Variants in NECTIN2 observed in about 807,000 individuals in gnomAD.
The protein encoded by NECTIN2 is nectin-2.
A neutral mutation model predicts 56.9 loss-of-function variants in NECTIN2; 23 were observed. The observed-to-expected ratio is 0.40, with a 90% CI of 0.29 to 0.57. NECTIN2 has a LOEUF of 0.57. Among genes scored for constraint, NECTIN2 ranks in the 20% least tolerant of loss-of-function variants. The pLI is 0.38. For missense variants in NECTIN2, 587 were observed against 718.3 expected, an observed-to-expected ratio of 0.82 and a Z score of 2.09; for synonymous variants, 302 against 313.8, an observed-to-expected ratio of 0.96 and a Z score of 0.40.
intron 2 of NECTIN2, 54 bp from the exon 3 acceptor site, chr19:44,871,799 T>C (rs991769087): frequency 6.4e-7 from 1 of 1,567,838 alleles, no homozygotes; most frequent in African/African-American, 1.4e-5. Context: ...TGCTGAGTGT[T>C]TGTTGAATGA....
In NECTIN2 at chr19:44,885,329, TA is replaced by T. The variant is rs1324002795; in HGVS notation, c.1197-606del. On this transcript the variant is annotated intron_variant, in intron 6 of 8. Coordinates refer to ENST00000252483, the MANE Select transcript of NECTIN2 (RefSeq NM_001042724.2). ...TTTCTTTTTTTTTTTTTTTTTTTTTTAATTTGAGATGGCATCTCACTCTATT... is the reference window on the plus strand; with the variant it reads ...TTTCTTTTTTTTTTTTTTTTTTTTTTATTTGAGATGGCATCTCACTCTATT... 3.0e-4 allele frequency among the ~76,000 whole-genome samples: 23 copies of T among 75,964 alleles called. No homozygotes were observed. In the South Asian group the frequency reaches 8.6e-3, roughly 28 times the overall value. 49.8% of individuals were successfully genotyped at this position (75,964 alleles called of 152,430 possible). A position where few individuals can be genotyped will look rare whatever the true frequency, so the allele number is the denominator to read the frequency against.
At chr19:44,884,802 C>G (rs554905177) in intron 6 of NECTIN2, among the ~76,000 whole-genome samples, 1 of 152,232 alleles carries the variant, frequency 6.6e-6, no homozygotes, top group South Asian at 2.1e-4. Context: ...ATCGTAAGCA[C>G]CTGTCATTAC....
intron 1 of NECTIN2, among the ~76,000 whole-genome samples, chr19:44,854,120 T>G (rs4803764): frequency 6.6e-6 from 1 of 151,738 alleles, no homozygotes; most frequent in African/African-American, 2.4e-5. Context: ...GGTGGGTTTG[T>G]TTGAGACCGA....
chr19:44,874,699 G>A lies in NECTIN2; in HGVS notation c.1042+221G>A. The A allele has an allele frequency of 1.8e-6, 1 of 568,846 alleles. No individual in the cohort carries two copies. Among genetic ancestry groups the A allele is most frequent in the South Asian group, 2.1e-5 (1 of 48,150 alleles). The allele number at this position is 568,846 out of a possible 1,614,324, so 35.2% of individuals were successfully genotyped here. ...GTAGGTGAAGGCAGCAGAGTTGGGGGGTTGAGGACTTTGCTCGGGGTTCCT... is the reference window on the plus strand; with the variant it reads ...GTAGGTGAAGGCAGCAGAGTTGGGGAGTTGAGGACTTTGCTCGGGGTTCCT... On this transcript the variant is annotated intron_variant, in intron 5 of 8. Transcript: ENST00000252483. This position sits in a 1 kb window ranked among gnomAD's most constrained non-coding sequence, Gnocchi z 6.3.
At chr19:44,887,513 C>T (rs1000150404) in intron 8 of NECTIN2, among the ~76,000 whole-genome samples, 1 of 151,854 alleles carries the variant, frequency 6.6e-6, no homozygotes, top group Non-Finnish European at 1.5e-5. Context: ...GGCGTGGTGG[C>T]GGGCGCCTGT....
intron 2 of NECTIN2, among the ~76,000 whole-genome samples, chr19:44,868,439 A>G (rs1969128872): frequency 6.9e-6 from 1 of 145,222 alleles, no homozygotes; most frequent in African/African-American, 2.5e-5. Flanking sequence ...TTTTTTTTGA[A>G]GGATGCTTTT....
At chr19:44,882,097 C>A in intron 5 of NECTIN2, 114 bp from the exon 6 acceptor site, 1 of 956,446 alleles carries the variant, frequency 1.0e-6, no homozygotes, top group Non-Finnish European at 1.4e-6. Flanking sequence ...ATGTCCCCTG[C>A]CCATGGGAGA....
Position 44,886,135 on chromosome 19 carries a change from C to T in NECTIN2, c.1263C>T (p.Pro421=), listed in dbSNP as rs1969358449. The change falls in exon 8 of 9, where the codon CCC becomes CCT. Residue 421 remains proline, a splice_region_variant and synonymous_variant. Coordinates refer to ENST00000252483, the MANE Select transcript of NECTIN2 (RefSeq NM_001042724.2). ...PKAKLEAQEM[P]SQLFTLGASE... is the part of the protein sequence containing the mutation. ...TCCCCGCCCCTCTCCCACTACAGCC[C>T]TCCCAGCTCTTCACTCTGGGGGCCT... is the stretch of plus-strand genomic sequence containing the variant. 2 of 1,612,490 alleles carry T rather than the reference C, an allele frequency of 1.2e-6. No individual in the cohort carries two copies. The highest frequency in any genetic ancestry group is 8.5e-7 in the Non-Finnish European group (1 of 1,178,778).
Position 44,855,049 on chromosome 19 carries a change from C to T in NECTIN2, c.88+8436C>T, listed in dbSNP as rs551048812. On this transcript the variant is annotated intron_variant, in intron 1 of 8. Coordinates refer to ENST00000252483, the MANE Select transcript of NECTIN2 (RefSeq NM_001042724.2). ...AGGAGAATGGGGTGAACCCGGGAGG[C>T]GGAGGTTGCAGTGAGCCGAGATCGC... Among the ~76,000 whole-genome samples the T allele has an allele frequency of 5.6e-3, 818 of 146,668 alleles. 5 individuals carry two copies. The highest frequency in any genetic ancestry group is 9.0e-3 in the Non-Finnish European group (606 of 67,258).
At chr19:44,887,622 G>A (rs1190152202) in intron 8 of NECTIN2, among the ~76,000 whole-genome samples, 2 of 152,136 alleles carry the variant, frequency 1.3e-5, no homozygotes, top group African/African-American at 4.8e-5. Flanking sequence ...AACAGCCTGG[G>A]AGACAAGAGC....
chr19:44,854,884 G>A (rs554280726), intron 1 of NECTIN2, among the ~76,000 whole-genome samples: 48 of 152,146 alleles, frequency 3.2e-4, no homozygotes, highest in African/African-American at 1.1e-3. Context: ...CCAGCACTTT[G>A]GGAGTCCCAG....
intron 2 of NECTIN2, among the ~76,000 whole-genome samples, chr19:44,868,962 G>T (rs1466656003): frequency 6.6e-6 from 1 of 151,416 alleles, no homozygotes; most frequent in Non-Finnish European, 1.5e-5. Context: ...CCTTCCCTAG[G>T]CAACTTCCCA....
At chr19:44,878,519 G>A (rs1476941739) in intron 5 of NECTIN2, 1 of 1,613,994 alleles carries the variant, frequency 6.2e-7, no homozygotes, top group East Asian at 2.2e-5. Flanking sequence ...GGAAGAGAAG[G>A]CAGAGAAAGG....
At position 44,865,703 on chromosome 19, in the gene NECTIN2, C is replaced by T. The variant is rs1355020851; in HGVS notation, c.478+43C>T. On this transcript the variant is annotated intron_variant, in intron 2 of 8. Transcript: ENST00000252483. The surrounding 1 kb of genome is among the most constrained non-coding windows in gnomAD (Gnocchi z 5.2). ...GGGAGGCAAGGAGGTGGGAGGGCCGCGGTGTGGGAGCATCCCCTTGCGGGT... is the reference window on the plus strand; with the variant it reads ...GGGAGGCAAGGAGGTGGGAGGGCCGTGGTGTGGGAGCATCCCCTTGCGGGT... 7.5e-6 allele frequency: 11 copies of T among 1,471,974 alleles called. No homozygotes were observed. In the Admixed American group the frequency reaches 1.1e-4, roughly 15 times the overall value. The allele number at this position is 1,471,974 out of a possible 1,614,324, so 91.2% of individuals were successfully genotyped here. A position where few individuals can be genotyped will look rare whatever the true frequency, so the allele number is the denominator to read the frequency against.
intron 2 of NECTIN2, among the ~76,000 whole-genome samples, chr19:44,868,466 C>CTTT (rs71338735): frequency 1.1e-3 from 141 of 133,456 alleles, no homozygotes; most frequent in Non-Finnish European, 1.3e-3. Flanking sequence ...TTTCCTTTTT[C>CTTT]TTTTTTTTTT....
intron 2 of NECTIN2, among the ~76,000 whole-genome samples, chr19:44,868,844 G>A (rs867365256): frequency 6.6e-5 from 10 of 151,736 alleles, no homozygotes; most frequent in African/African-American, 2.2e-4. Flanking sequence ...CCCGGGAGGC[G>A]GAGCTTGCAG....
Position 44,888,438 on chromosome 19 carries a change from G to T in NECTIN2, c.*59G>T. 6.4e-7 allele frequency: 1 copy of T among 1,551,182 alleles called. No individual in the cohort carries two copies. The highest frequency in any genetic ancestry group is 8.8e-7 in the Non-Finnish European group (1 of 1,139,752). ...GTTGATCCCTTAGCTTTCTTGCCAAGGATCTAGTGCCCCCTGACCTCTGGC... is the reference window on the plus strand; with the variant it reads ...GTTGATCCCTTAGCTTTCTTGCCAATGATCTAGTGCCCCCTGACCTCTGGC... On this transcript the variant is annotated 3_prime_UTR_variant, in exon 9 of 9. Coordinates refer to ENST00000252483, the MANE Select transcript of NECTIN2 (RefSeq NM_001042724.2).
intron 1 of NECTIN2, among the ~76,000 whole-genome samples, chr19:44,852,456 A>G (rs1439116707): frequency 6.9e-6 from 1 of 145,592 alleles, no homozygotes; most frequent in African/African-American, 2.5e-5. Flanking sequence ...GAGACATGGT[A>G]GCCACCACCT....
At chr19:44,854,566 A>G (rs1445248974) in intron 1 of NECTIN2, among the ~76,000 whole-genome samples, 1 of 152,054 alleles carries the variant, frequency 6.6e-6, no homozygotes, top group Non-Finnish European at 1.5e-5. Context: ...TAATCCCAAC[A>G]CTTTGGGAGG....
Sources: gnomAD v4.1 joint callset for allele counts (sites outside exome capture counted in the v4.1 genomes callset) on GRCh38, gnomAD v4.1.1 for gene constraint, Gnocchi (gnomAD v3.1) non-coding constraint, MANE v1.5 for transcripts, NCBI Gene and HGNC (gene_info 2026-07-23, HGNC 2026-07-21) for gene names.